DOCK7: variants seen among roughly 807,000 people sequenced by gnomAD.
The protein encoded by DOCK7 is dedicator of cytokinesis protein 7.
A neutral mutation model predicts 271.0 loss-of-function variants in DOCK7; 138 were observed. The ratio of observed to expected loss-of-function variants is 0.51; its 90% CI spans 0.44 to 0.59. DOCK7 has a LOEUF of 0.59. Ranked by LOEUF, DOCK7 falls within the 20% of genes least tolerant of loss-of-function variation. The probability of loss-of-function intolerance (pLI) is 0.00; values close to 1 mark genes in which losing one functional copy is unlikely to be tolerated. For synonymous variants in DOCK7, 823 were observed against 876.1 expected (o/e 0.94, Z 1.07); for missense variants, 2,066 against 2,592.4 (o/e 0.80, Z 4.41).
chr1:62,517,273 A>G (rs1487475882), intron 31 of DOCK7, among the ~76,000 whole-genome samples: 1 of 152,160 alleles, frequency 6.6e-6, no homozygotes, highest in East Asian at 1.9e-4. Context: ...CACCATGCCA[A>G]TTAAAAAACA....
At chr1:62,473,938 G>T in intron 48 of DOCK7, 44 bp downstream of exon 48, 1 of 1,516,652 alleles carries the variant, frequency 6.6e-7, no homozygotes, top group Non-Finnish European at 9.1e-7. Context: ...TGTGGTATTG[G>T]ACAGTCTCAA....
At chr1:62,639,918 T>C (rs1018408350) in intron 7 of DOCK7, among the ~76,000 whole-genome samples, 1 of 151,436 alleles carries the variant, frequency 6.6e-6, no homozygotes, top group Non-Finnish European at 1.5e-5. Flanking sequence ...TTTTTAAGTA[T>C]ATTCCTCATG....
chr1:62,473,269 AT>A (rs1645880983), intron 48 of DOCK7, among the ~76,000 whole-genome samples: 2 of 152,216 alleles, frequency 1.3e-5, no homozygotes, highest in African/African-American at 2.4e-5. Flanking sequence ...AGCACAATTA[AT>A]GATAAGGTCA....
chr1:62,525,960 A>G (rs1294289709), intron 31 of DOCK7, among the ~76,000 whole-genome samples: 1 of 152,184 alleles, frequency 6.6e-6, no homozygotes, highest in Non-Finnish European at 1.5e-5. Context: ...CTTTTGAGAC[A>G]GGGTCTTGCT....
chr1:62,609,512 C>G (rs1651471846), intron 14 of DOCK7: 1 of 152,270 alleles, frequency 6.6e-6, no homozygotes, highest in South Asian at 2.1e-4. Flanking sequence ...TTGTAATCAT[C>G]AAGCCAGATA....
chr1:62,670,606 T>G (rs1287040154), intron 1 of DOCK7, among the ~76,000 whole-genome samples: 1 of 152,146 alleles, frequency 6.6e-6, no homozygotes, highest in Non-Finnish European at 1.5e-5. Context: ...GGTTTGTGAG[T>G]GCACCAATCG....
At chr1:62,541,762 G>A (rs896884014) in intron 25 of DOCK7, among the ~76,000 whole-genome samples, 15 of 151,948 alleles carry the variant, frequency 9.9e-5, no homozygotes, top group African/African-American at 3.4e-4. Context: ...TGGGGGAGTC[G>A]GTTCCCCTAA....
chr1:62,481,005 T>C (rs541437223), intron 43 of DOCK7, among the ~76,000 whole-genome samples: 284 of 11,762 alleles, frequency 0.024, 2 homozygotes, highest in African/African-American at 0.041. Flanking sequence ...CGAGACTCCG[T>C]CTCAAAAAAA....
intron 14 of DOCK7, among the ~76,000 whole-genome samples, chr1:62,609,844 T>C (rs1208330558): frequency 6.6e-6 from 1 of 152,096 alleles, no homozygotes; most frequent in African/African-American, 2.4e-5. Flanking sequence ...AGAATTCTTT[T>C]TTTTTTCGAG....
chr1:62,583,958 T>G (rs1557756112), intron 15 of DOCK7: 2 of 187,792 alleles, frequency 1.1e-5, no homozygotes, highest in Non-Finnish European at 2.0e-5. Context: ...AATGGCTCAA[T>G]GTCAAGGTTA....
intron 1 of DOCK7, among the ~76,000 whole-genome samples, chr1:62,670,280 C>G (rs555583621): frequency 1.3e-5 from 2 of 152,376 alleles, no homozygotes; most frequent in African/African-American, 4.8e-5. Flanking sequence ...TGCGAGCGCA[C>G]GGCGCAGGAC....
At position 62,475,905 on chromosome 1, in the gene DOCK7, G is replaced by A. The variant is rs984304842; in HGVS notation, c.5763C>T (p.Asp1921=). Residue 1921 remains aspartate, a synonymous_variant, in exon 46 of 50, where the codon GAC becomes GAT. Transcript: ENST00000635253. The part of the protein sequence containing the change: ...IQITYVEPYF[D]TYEMKDRITY... ...TGATTCTGTCCTTCATCTCATATGT[G>A]TCAAAGTATGGCTCCACATAGGTAA... 16 of 1,613,858 alleles carry A rather than the reference G, an allele frequency of 9.9e-6. No homozygotes were observed. The highest frequency in any genetic ancestry group is 1.3e-5 in the African/African-American group (1 of 74,914).
At chr1:62,643,690 A>T (rs762069806) in intron 7 of DOCK7, among the ~76,000 whole-genome samples, 7 of 152,208 alleles carry the variant, frequency 4.6e-5, no homozygotes, top group Non-Finnish European at 7.3e-5. Context: ...ATTGTCAGCC[A>T]TTATCTCTTC....
At chr1:62,655,747 T>C (rs993126070) in intron 2 of DOCK7, among the ~76,000 whole-genome samples, 1 of 152,204 alleles carries the variant, frequency 6.6e-6, no homozygotes, top group African/African-American at 2.4e-5. Flanking sequence ...ATTTTAAAGA[T>C]ATTGAGTAAA....
intron 7 of DOCK7, among the ~76,000 whole-genome samples, chr1:62,637,259 G>A (rs185378953): frequency 1.2e-3 from 189 of 151,550 alleles, no homozygotes; most frequent in African/African-American, 4.5e-3. Context: ...ATATGAATAC[G>A]GCAAAATTGT....
intron 41 of DOCK7, among the ~76,000 whole-genome samples, chr1:62,489,305 C>T (rs182748625): frequency 5.3e-5 from 8 of 152,086 alleles, no homozygotes; most frequent in African/African-American, 9.6e-5. Flanking sequence ...AAACATTGGC[C>T]GGGCGTGGTG....
intron 43 of DOCK7, chr1:62,486,731 C>T (rs1436963707): frequency 1.3e-5 from 2 of 151,896 alleles, no homozygotes; most frequent in African/African-American, 4.8e-5. Context: ...TATCCCTTTC[C>T]CCAACAAAAA....
chr1:62,530,444 T>C (rs574736844), intron 29 of DOCK7, among the ~76,000 whole-genome samples: 3 of 152,348 alleles, frequency 2.0e-5, no homozygotes, highest in African/African-American at 7.2e-5. Flanking sequence ...AAATATGCCT[T>C]TCCTATCTTG....
rs369840723 is a variant in DOCK7, at chr1:62,461,677, T to TAAAATAAAATA, written c.6213-3973_6213-3972insTATTTTATTTT. Among the ~76,000 whole-genome samples the TAAAATAAAATA allele has an allele frequency of 2.2e-5, 3 of 134,914 alleles. No individual in the cohort carries two copies. In the Admixed American group the frequency reaches 2.3e-4, roughly 10 times the overall value. The allele number at this position is 134,914 out of a possible 152,430, so 88.5% of individuals were successfully genotyped here. ...CACAGTGAGACCCCATCTCAAAAAA[T>TAAAATAAAATA]AAATAAAATAAAATAAAATAAAATA... On this transcript the variant is annotated intron_variant, in intron 48 of 49. Transcript: ENST00000635253.
Sources: gnomAD v4.1 joint callset for allele counts (sites outside exome capture counted in the v4.1 genomes callset) on GRCh38, gnomAD v4.1.1 for gene constraint, MANE v1.5 for transcripts, NCBI Gene and HGNC (gene_info 2026-07-23, HGNC 2026-07-21) for gene names.